Variants in UBE2E2 observed in about 807,000 individuals in gnomAD.
The protein encoded by UBE2E2 is ubiquitin conjugating enzyme E2 E2, also known as ubiquitin-conjugating enzyme E2 E2.
UBE2E2 carries 6 observed loss-of-function variants against 24.7 expected under a neutral mutation model. The ratio of observed to expected loss-of-function variants is 0.24; its 90% CI spans 0.13 to 0.48. The LOEUF (loss-of-function observed/expected upper bound fraction) is 0.48. UBE2E2 is among the 20% of genes least tolerant of loss of function. The pLI, the probability that UBE2E2 is intolerant of heterozygous loss-of-function variation, is 0.99. For synonymous variants in UBE2E2, 104 were observed against 83.6 expected (o/e 1.24, Z -1.33); for missense variants, 169 against 245.0 (o/e 0.69, Z 2.07).
intron 3 of UBE2E2, among the ~76,000 whole-genome samples, chr3:23,245,038 T>C (rs900436027): frequency 1.3e-5 from 2 of 152,282 alleles, no homozygotes; most frequent in Admixed American, 1.3e-4. Context: ...TTTCTTCTTA[T>C]GTAAATACAT....
At chr3:23,585,391 A>G (rs938138595) in intron 5 of UBE2E2, among the ~76,000 whole-genome samples, 4 of 146,528 alleles carry the variant, frequency 2.7e-5, no homozygotes, top group African/African-American at 7.5e-5. Context: ...AAAAAAAAAG[A>G]CATGATTTTT....
At chr3:23,523,479 A>G (rs990728276) in intron 4 of UBE2E2, among the ~76,000 whole-genome samples, 2 of 152,324 alleles carry the variant, frequency 1.3e-5, no homozygotes, top group East Asian at 1.9e-4. Flanking sequence ...TAGTCTTATC[A>G]TGTAGCATGC....
intron 5 of UBE2E2, among the ~76,000 whole-genome samples, chr3:23,563,424 G>T (rs527438496): frequency 6.6e-6 from 1 of 152,230 alleles, no homozygotes; most frequent in South Asian, 2.1e-4. Context: ...ATTGCACTGT[G>T]GTCTGAGAGA....
intron 3 of UBE2E2, among the ~76,000 whole-genome samples, chr3:23,401,485 T>C (rs1697220815): frequency 6.6e-6 from 1 of 152,168 alleles, no homozygotes; most frequent in African/African-American, 2.4e-5. Context: ...ACCTTGTATG[T>C]GAAAAGGTAA....
chr3:23,348,930 T>TTC (rs1395727448), intron 3 of UBE2E2, among the ~76,000 whole-genome samples: 1 of 152,120 alleles, frequency 6.6e-6, no homozygotes, highest in Non-Finnish European at 1.5e-5. Context: ...TTTTATAGGG[T>TTC]TCTGCACACT....
Position 23,255,927 on chromosome 3 carries a change from GA to G in UBE2E2, c.227+38617del, listed in dbSNP as rs555534475. On this transcript the variant is annotated intron_variant, in intron 3 of 5. Coordinates refer to ENST00000396703, the MANE Select transcript of UBE2E2 (RefSeq NM_152653.4). ...TGTGGTAAGCAATGATTTTGCCTGT[GA>G]ATAGCCACTGCAGTTCAGCCTGGGC... Among the ~76,000 whole-genome samples, 1,083 of 152,260 alleles carry G rather than the reference GA, an allele frequency of 7.1e-3. 16 individuals carry two copies. The highest frequency in any genetic ancestry group is 0.024 in the African/African-American group (1,006 of 41,536).
At chr3:23,571,639 C>A (rs545868432) in intron 5 of UBE2E2, among the ~76,000 whole-genome samples, 9 of 152,046 alleles carry the variant, frequency 5.9e-5, no homozygotes, top group Non-Finnish European at 1.2e-4. Context: ...TCGTACAGAC[C>A]GCTTTTTTTG....
chr3:23,585,627 C>T (rs1696608288), intron 5 of UBE2E2, among the ~76,000 whole-genome samples: 1 of 152,044 alleles, frequency 6.6e-6, no homozygotes, highest in East Asian at 1.9e-4. Context: ...AATTTTTGAA[C>T]AAAAACAGAA....
chr3:23,364,775 G>A (rs150992678), intron 3 of UBE2E2, among the ~76,000 whole-genome samples: 103 of 152,190 alleles, frequency 6.8e-4, no homozygotes, highest in African/African-American at 2.4e-3. Context: ...CATTCTGTGA[G>A]GCTAGCATCA....
chr3:23,585,280 G>T (rs919795779), intron 5 of UBE2E2, among the ~76,000 whole-genome samples: 11 of 150,522 alleles, frequency 7.3e-5, no homozygotes, highest in Admixed American at 1.3e-4. Context: ...GTTGAGGCAG[G>T]AGGATTGCTT....
chr3:23,465,414 A>G (rs556037219), intron 3 of UBE2E2, among the ~76,000 whole-genome samples: 5 of 152,298 alleles, frequency 3.3e-5, no homozygotes, highest in African/African-American at 2.4e-5. Flanking sequence ...TAAAAGACCT[A>G]TTGTCATAAA....
chr3:23,521,706 T>TTTTG (rs935735550), intron 4 of UBE2E2, among the ~76,000 whole-genome samples: 22 of 151,934 alleles, frequency 1.4e-4, no homozygotes, highest in South Asian at 4.2e-4. Context: ...CATGATAAGG[T>TTTTG]TTTGTTTGTT....
chr3:23,296,949 T>G (rs1054000725), intron 3 of UBE2E2, among the ~76,000 whole-genome samples: 2 of 152,202 alleles, frequency 1.3e-5, no homozygotes, highest in African/African-American at 4.8e-5. Context: ...TTCCTATTTC[T>G]CCACATCCTC....
chr3:23,347,607 A>G (rs1208479595), intron 3 of UBE2E2, among the ~76,000 whole-genome samples: 1 of 152,280 alleles, frequency 6.6e-6, no homozygotes, highest in East Asian at 1.9e-4. Flanking sequence ...CATGTAAATG[A>G]TGAGTTGATG....
chr3:23,424,790 AG>A (rs1246661885), intron 3 of UBE2E2, among the ~76,000 whole-genome samples: 2 of 152,164 alleles, frequency 1.3e-5, no homozygotes, highest in Non-Finnish European at 2.9e-5. Context: ...ATATAAATAA[AG>A]TAGTTTGATT....
At chr3:23,258,414 G>A (rs551849580) in intron 3 of UBE2E2, among the ~76,000 whole-genome samples, 9 of 152,164 alleles carry the variant, frequency 5.9e-5, no homozygotes, top group Non-Finnish European at 7.4e-5. Context: ...TCGTATCAAC[G>A]GACTTTAGTA....
chr3:23,471,373 C>G (rs974572450), intron 3 of UBE2E2, among the ~76,000 whole-genome samples: 3 of 152,094 alleles, frequency 2.0e-5, no homozygotes, highest in African/African-American at 7.2e-5. Context: ...TATAAACCCC[C>G]AAATACTAGC....
chr3:23,320,508 C>T (rs748513515), intron 3 of UBE2E2, among the ~76,000 whole-genome samples: 15 of 152,140 alleles, frequency 9.9e-5, no homozygotes, highest in African/African-American at 1.9e-4. Flanking sequence ...TAGCAGTCAC[C>T]CCAGCCCTAG....
chr3:23,221,311 A>G (rs1162240658), intron 3 of UBE2E2, among the ~76,000 whole-genome samples: 1 of 152,122 alleles, frequency 6.6e-6, no homozygotes, highest in African/African-American at 2.4e-5. Context: ...AGCTTTATTG[A>G]GATATAAAGT....
Sources: gnomAD v4.1 joint callset for allele counts (sites outside exome capture counted in the v4.1 genomes callset) on GRCh38, gnomAD v4.1.1 for gene constraint, MANE v1.5 for transcripts, NCBI Gene and HGNC (gene_info 2026-07-23, HGNC 2026-07-21) for gene names.